Variants in PTPN3 observed in about 807,000 individuals in gnomAD.
PTPN3 encodes the protein protein tyrosine phosphatase non-receptor type 3.
In PTPN3, 96 loss-of-function variants were observed where a neutral mutation model predicts 132.7. That is an observed-to-expected ratio of 0.72 (90% CI 0.61 to 0.86). The LOEUF is 0.86. Among genes scored for constraint, PTPN3 ranks in the 40% least tolerant of loss-of-function variants. PTPN3 has a pLI of 0.00. For missense variants in PTPN3, 1,125 were observed against 1,159.6 expected, an observed-to-expected ratio of 0.97 and a Z score of 0.43; for synonymous variants, 398 against 429.0, an observed-to-expected ratio of 0.93 and a Z score of 0.89.
chr9:109,440,739 A>G (rs1481558050), intron 7 of PTPN3, among the ~76,000 whole-genome samples: 1 of 152,198 alleles, frequency 6.6e-6, no homozygotes, highest in Non-Finnish European at 1.5e-5. Flanking sequence ...TAACAGTCCC[A>G]TCCCTGGTAT....
At chr9:109,410,593 C>G (rs1225824169) in intron 14 of PTPN3, among the ~76,000 whole-genome samples, 178 bp from the exon 15 acceptor site, 1 of 152,182 alleles carries the variant, frequency 6.6e-6, no homozygotes, top group Non-Finnish European at 1.5e-5. Flanking sequence ...CTGACCGCAT[C>G]TGGCCTAGAC....
At chr9:109,404,824 T>C (rs1841428571) in intron 18 of PTPN3, among the ~76,000 whole-genome samples, 3 of 152,236 alleles carry the variant, frequency 2.0e-5, no homozygotes, top group African/African-American at 7.2e-5. Context: ...CTAATCTTCC[T>C]GGTTAGTTTT....
intron 1 of PTPN3, among the ~76,000 whole-genome samples, chr9:109,490,839 C>T (rs939140331): frequency 7.2e-6 from 1 of 139,074 alleles, no homozygotes; most frequent in Non-Finnish European, 1.5e-5. Context: ...CAACCGTACG[C>T]AACCCATTTA....
At chr9:109,394,913 G>A (rs1426717230) in intron 19 of PTPN3, among the ~76,000 whole-genome samples, 1 of 152,134 alleles carries the variant, frequency 6.6e-6, no homozygotes, top group African/African-American at 2.4e-5. Context: ...GCTGAGGCGG[G>A]CAGATCACGA....
chr9:109,492,964 C>T (rs1170343637), intron 1 of PTPN3, among the ~76,000 whole-genome samples: 1 of 152,188 alleles, frequency 6.6e-6, no homozygotes, highest in Non-Finnish European at 1.5e-5. Flanking sequence ...GTTTTCCAAA[C>T]CAAAGACCAC....
At chr9:109,530,698 T>C in the PTPN3 span, among the ~76,000 whole-genome samples, 1 of 152,224 alleles carries the variant, frequency 6.6e-6, no homozygotes, top group East Asian at 1.9e-4. Context: ...GGGGTTCTCA[T>C]TTCTCCACAT....
intron 14 of PTPN3, among the ~76,000 whole-genome samples, chr9:109,415,287 G>A (rs1842408039): frequency 6.6e-6 from 1 of 152,178 alleles, no homozygotes; most frequent in Non-Finnish European, 1.5e-5. Context: ...CAGTGGAGAT[G>A]CTCAGATGTC....
the PTPN3 span, among the ~76,000 whole-genome samples, chr9:109,528,476 G>T: frequency 6.6e-6 from 1 of 152,194 alleles, no homozygotes; most frequent in Non-Finnish European, 1.5e-5. Context: ...AGACATGAAA[G>T]TGTACACGAT....
intron 10 of PTPN3, chr9:109,429,004 G>C: frequency 1.0e-6 from 1 of 985,442 alleles, no homozygotes; most frequent in Non-Finnish European, 1.2e-6. Flanking sequence ...GTATATACAT[G>C]GGGAAGACAG....
chr9:109,379,864 G>A (rs538601982), intron 25 of PTPN3, among the ~76,000 whole-genome samples: 50 of 152,308 alleles, frequency 3.3e-4, no homozygotes, highest in Admixed American at 5.2e-4. Flanking sequence ...AGAAACTGGC[G>A]GTCTGGGGGA....
intron 1 of PTPN3, among the ~76,000 whole-genome samples, chr9:109,496,876 T>C (rs779419501): frequency 6.6e-6 from 1 of 152,176 alleles, no homozygotes; most frequent in Admixed American, 6.5e-5. Flanking sequence ...TAAATGTCAA[T>C]AGTGCAAGGC....
chr9:109,454,870 A>T (rs923172753), intron 4 of PTPN3, among the ~76,000 whole-genome samples: 6 of 152,254 alleles, frequency 3.9e-5, no homozygotes, highest in African/African-American at 1.2e-4. Context: ...TTAGGAATTT[A>T]AAAAATCCTT....
intron 24 of PTPN3, among the ~76,000 whole-genome samples, chr9:109,382,031 C>A (rs1257089789): frequency 6.6e-6 from 1 of 152,246 alleles, no homozygotes; most frequent in Non-Finnish European, 1.5e-5. Flanking sequence ...CCCTTTCTCA[C>A]TCACACCTAT....
Position 109,420,575 on chromosome 9 carries a change from T to C in PTPN3, c.1162A>G (p.Ile388Val), listed in dbSNP as rs969028888. The C allele has an allele frequency of 3.7e-6, 6 of 1,611,080 alleles. No individual in the cohort carries two copies. In the Admixed American group the frequency reaches 1.0e-4, roughly 27 times the overall value. The stretch of plus-strand genomic sequence containing the variant: ...GCAGAAGAGTGGCGTGGCTTTCGGA[T>C]TTCGTGCCGGAGCCGAGGACTTCGC... ...NWRSPRLRHE[I>V]RKPRHSSADN... The change falls in exon 14 of 26, where the codon ATC becomes GTC. Residue 388 changes from isoleucine to valine, a missense_variant. Physicochemically the swap from Ile to Val is conservative, Grantham distance 29. Transcript: ENST00000374541.
At chr9:109,496,880 G>T (rs1247920340) in intron 1 of PTPN3, among the ~76,000 whole-genome samples, 1 of 152,186 alleles carries the variant, frequency 6.6e-6, no homozygotes, top group Non-Finnish European at 1.5e-5. Flanking sequence ...TGTCAATAGT[G>T]CAAGGCTGAG....
At chr9:109,504,744 C>T in the PTPN3 span, among the ~76,000 whole-genome samples, 14 of 152,274 alleles carry the variant, frequency 9.2e-5, no homozygotes, top group African/African-American at 2.9e-4. Context: ...AAAACAGAAA[C>T]GTAAGTGTAG....
chr9:109,418,449 T>A (rs1019125179), intron 14 of PTPN3, among the ~76,000 whole-genome samples: 15 of 152,238 alleles, frequency 9.9e-5, no homozygotes, highest in Non-Finnish European at 1.9e-4. Flanking sequence ...ATGCCACAGA[T>A]GAGCAGCTGG....
the PTPN3 span, among the ~76,000 whole-genome samples, chr9:109,516,647 G>A: frequency 4.6e-5 from 7 of 152,186 alleles, no homozygotes; most frequent in Non-Finnish European, 7.3e-5. Flanking sequence ...GCACTGGGGA[G>A]CATTGAAGAT....
At chr9:109,506,191 A>G in the PTPN3 span, among the ~76,000 whole-genome samples, 1 of 152,192 alleles carries the variant, frequency 6.6e-6, no homozygotes, top group African/African-American at 2.4e-5. Flanking sequence ...TGGGTCTCTG[A>G]TGTCATCCAC....
Sources: allele counts gnomAD v4.1 joint callset (sites outside exome capture counted in the v4.1 genomes callset), GRCh38; gene constraint gnomAD v4.1.1; transcripts MANE v1.5; gene names NCBI Gene and HGNC (gene_info 2026-07-23, HGNC 2026-07-21).